TBRG1: variants seen among roughly 807,000 people sequenced by gnomAD.
The protein encoded by TBRG1 is transforming growth factor beta regulator 1, also known as nuclear interactor of ARF and MDM2.
A neutral mutation model predicts 44.0 loss-of-function variants in TBRG1; 31 were observed. That is an observed-to-expected ratio of 0.70 (90% CI 0.53 to 0.95). TBRG1 has a LOEUF of 0.95. TBRG1 is among the 40% of genes least tolerant of loss of function. The pLI, the probability that TBRG1 is intolerant of heterozygous loss-of-function variation, is 0.00. For synonymous variants in TBRG1, 171 were observed against 188.1 expected (o/e 0.91, Z 0.74); for missense variants, 487 against 496.1 (o/e 0.98, Z 0.18).
intron 5 of TBRG1, among the ~76,000 whole-genome samples, chr11:124,627,930 A>G (rs1049327641): frequency 6.6e-6 from 1 of 151,672 alleles, no homozygotes; most frequent in African/African-American, 2.4e-5. Context: ...ATGCTAGAAC[A>G]TTTTTGAAAA....
intron 2 of TBRG1, among the ~76,000 whole-genome samples, chr11:124,625,284 T>C (rs1482219267): frequency 6.6e-6 from 1 of 152,272 alleles, no homozygotes; most frequent in African/African-American, 2.4e-5. Flanking sequence ...GATTATTTAA[T>C]CTTATGGCCC....
Position 124,622,930 on chromosome 11 carries a change from C to T in TBRG1, c.-154C>T. The T allele has an allele frequency of 2.5e-6, 2 of 807,854 alleles. No individual in the cohort carries two copies. The highest frequency in any genetic ancestry group is 3.7e-6 in the Non-Finnish European group (2 of 533,612). 50.0% of individuals were successfully genotyped at this position (807,854 alleles called of 1,614,324 possible). ...CCCGTTCGGTTGCGGGTGTCTCTGG[C>T]CCTGCGGTCAGCCCTGGGAACGTCC... On this transcript the variant is annotated 5_prime_UTR_variant, in exon 1 of 9. Coordinates refer to ENST00000441174, the MANE Select transcript of TBRG1 (RefSeq NM_032811.3).
intron 5 of TBRG1, 142 bp downstream of exon 5, chr11:124,627,192 C>T (rs1942494977): frequency 3.1e-6 from 2 of 639,042 alleles, no homozygotes; most frequent in South Asian, 3.8e-5. Context: ...GTGGCTGGCC[C>T]TAAGTCACAC....
chr11:124,623,120 G>A lies in TBRG1; in HGVS notation c.37G>A (p.Ala13Thr). The A allele has an allele frequency of 6.4e-7, 1 of 1,551,258 alleles. No homozygotes were observed. Among genetic ancestry groups the A allele is most frequent in the Non-Finnish European group, 8.7e-7 (1 of 1,146,972 alleles). ...GGACGGCCTCGCTTCCTCGCCGCGG[G>A]CTCCGCTGCAGTCCAGCAAGGCCAG... ...LLDGLASSPR[A>T]PLQSSKARMK... Residue 13 changes from alanine to threonine, a missense_variant, in exon 1 of 9, where the codon GCT becomes ACT. Physicochemically the swap from Ala to Thr is moderately conservative, Grantham distance 58. Transcript: ENST00000441174.
chr11:124,626,770 A>C, intron 4 of TBRG1, 134 bp from the exon 5 acceptor site: 1 of 1,467,402 alleles, frequency 6.8e-7, no homozygotes, highest in Non-Finnish European at 9.3e-7. Context: ...TGTCTGCTAC[A>C]CAGCCTACTC....
intron 8 of TBRG1, 188 bp downstream of exon 8, chr11:124,631,605 A>T: frequency 1.5e-6 from 1 of 650,428 alleles, no homozygotes; most frequent in South Asian, 1.8e-5. Context: ...TTACTCACAG[A>T]TGTCATGGGG....
intron 5 of TBRG1, among the ~76,000 whole-genome samples, chr11:124,628,094 TATATATATATATATATATATATACAC>T (rs1238353970): frequency 0.017 from 1,459 of 84,826 alleles, 22 homozygotes; most frequent in African/African-American, 0.05. Flanking sequence ...TATATATATA[TATATATATATATATATATATATACAC>T]ACACACACAC....
At position 124,632,149 on chromosome 11, in the gene TBRG1, A is replaced by C. The variant is rs374383481; in HGVS notation, c.1147A>C (p.Met383Leu). 6.2e-7 allele frequency: 1 copy of C among 1,613,648 alleles called. No individual in the cohort carries two copies. The highest frequency in any genetic ancestry group is 1.1e-5 in the South Asian group (1 of 91,068). The change falls in exon 9 of 9, where the codon ATG becomes CTG. Residue 383 changes from methionine (M) to leucine (L), a missense_variant. Coordinates refer to ENST00000441174, the MANE Select transcript of TBRG1 (RefSeq NM_032811.3). ...AGCCTTTGTGTCTTCTTACCAGCCC[A>C]TGTACCTGACACATGAACCCTTGGT... ...PAAFVSSYQPMYLTHEPLVDT... is the reference protein window; with the variant it reads ...PAAFVSSYQPLYLTHEPLVDT...
intron 8 of TBRG1, 41 bp from the exon 9 acceptor site, chr11:124,632,052 C>G: frequency 6.2e-7 from 1 of 1,603,728 alleles, no homozygotes; most frequent in Non-Finnish European, 8.5e-7. Flanking sequence ...TCTGCCCAGA[C>G]TCCCGAGCAG....
chr11:124,627,105 A>G lies in TBRG1; in HGVS notation c.738+55A>G, dbSNP rs980587491. ...TCTTTAGAACCTTCTCTGTGCTAGG[A>G]TATGTATTACCTGTTCTGATACCTT... On this transcript the variant is annotated intron_variant, in intron 5 of 8. Transcript: ENST00000441174. The G allele has an allele frequency of 6.5e-5, 77 of 1,186,064 alleles. No homozygotes were observed. The Middle Eastern group carries it at 7.5e-4, about 12-fold the overall frequency. 73.5% of individuals were successfully genotyped at this position (1,186,064 alleles called of 1,614,324 possible).
chr11:124,623,299 T>A, intron 1 of TBRG1, 66 bp downstream of exon 1: 1 of 1,517,844 alleles, frequency 6.6e-7, no homozygotes. Context: ...TTCCCCAAGC[T>A]GTTCCCCCTT....
rs527764626 is a variant in TBRG1, at chr11:124,625,844, T to C, written c.395T>C (p.Phe132Ser). 54 of 1,580,226 alleles carry C rather than the reference T, an allele frequency of 3.4e-5. No individual in the cohort carries two copies. The highest frequency in any genetic ancestry group is 3.3e-4 in the Middle Eastern group (2 of 5,990). The change falls in exon 3 of 9, where the codon TTT (phenylalanine) becomes TCT (serine). Residue 132 changes from phenylalanine (F) to serine (S), a missense_variant. Phe to Ser is a radical substitution (Grantham distance 155). Coordinates refer to ENST00000441174, the MANE Select transcript of TBRG1 (RefSeq NM_032811.3). Reference sequence around the variant, plus strand: ...CCCAGCACTGGGGCTGAGGAACCATTTGGGAAGAAAACTAAGAAGGAGAAA... The same window carrying C: ...CCCAGCACTGGGGCTGAGGAACCATCTGGGAAGAAAACTAAGAAGGAGAAA... ...SGPSTGAEEP[F>S]GKKTKKEKKE...
rs748940227 is a variant in TBRG1, at chr11:124,626,727, G to GT, written c.591+119dup. On this transcript the variant is annotated intron_variant, in intron 4 of 8. Transcript: ENST00000441174. ...CTTGCTGATCCATACCAACCCCAGC[G>GT]TATCTCCAGTCCCTGCAAAACCAGG... 3.1e-5 allele frequency: 44 copies of GT among 1,415,626 alleles called. No individual in the cohort carries two copies. In the East Asian group the frequency reaches 1.0e-3, roughly 34 times the overall value. The allele number at this position is 1,415,626 out of a possible 1,614,324, so 87.7% of individuals were successfully genotyped here.
At position 124,622,979 on chromosome 11, in the gene TBRG1, C is replaced by A; in HGVS notation, c.-105C>A. 7.8e-7 allele frequency: 1 copy of A among 1,274,310 alleles called. No homozygotes were observed. The highest frequency in any genetic ancestry group is 1.1e-6 in the Non-Finnish European group (1 of 950,210). 78.9% of individuals were successfully genotyped at this position (1,274,310 alleles called of 1,614,324 possible). On this transcript the variant is annotated 5_prime_UTR_variant, in exon 1 of 9. Transcript: ENST00000441174. Reference sequence around the variant, plus strand: ...CCCGGAGAGCTAGATTCCTAGAGGCCCGATTCCGCTAGCCCGGAACAGACA... The same window carrying A: ...CCCGGAGAGCTAGATTCCTAGAGGCACGATTCCGCTAGCCCGGAACAGACA...
chr11:124,631,463 G>A lies in TBRG1; in HGVS notation c.1090+46G>A, dbSNP rs372564940. 271 of 1,593,696 alleles carry A rather than the reference G, an allele frequency of 1.7e-4. 2 individuals are homozygous for A. Among genetic ancestry groups the A allele is most frequent in the South Asian group, 1.6e-3 (142 of 90,688 alleles). On this transcript the variant is annotated intron_variant, in intron 8 of 8. Transcript: ENST00000441174. ...CTGGTTTGAAAATTGACTGTGTTTAGGCTACCTTCCCATCTTCACACATAG... is the reference window on the plus strand; with the variant it reads ...CTGGTTTGAAAATTGACTGTGTTTAAGCTACCTTCCCATCTTCACACATAG...
chr11:124,626,661 G>T (rs564330977), intron 4 of TBRG1, 52 bp downstream of exon 4: 1 of 1,544,894 alleles, frequency 6.5e-7, no homozygotes, highest in East Asian at 2.4e-5. Context: ...ATACGGGAAT[G>T]GGGTTGAGCC....
rs1339883415 is a variant in TBRG1 at position 124,633,324 on chromosome 11, T to G, written c.*1086T>G. On this transcript the variant is annotated 3_prime_UTR_variant, in exon 9 of 9. Coordinates refer to ENST00000441174, the MANE Select transcript of TBRG1 (RefSeq NM_032811.3). ...GGATTTTTGGACCCTGTTAATAGCATTAAGGTAGAGGTTTACTCTATCACC... is the reference window on the plus strand; with the variant it reads ...GGATTTTTGGACCCTGTTAATAGCAGTAAGGTAGAGGTTTACTCTATCACC... 1 of 152,186 alleles carries G rather than the reference T, an allele frequency of 6.6e-6. No homozygotes were observed. Among genetic ancestry groups the G allele is most frequent in the African/African-American group, 2.4e-5 (1 of 41,430 alleles). 9.4% of individuals were successfully genotyped at this position (152,186 alleles called of 1,614,324 possible).
chr11:124,632,034 C>A, intron 8 of TBRG1, 59 bp from the exon 9 acceptor site: 4 of 1,546,816 alleles, frequency 2.6e-6, no homozygotes, highest in Non-Finnish European at 3.6e-6. Context: ...TATGTCTGAC[C>A]AAAACAGTCT....
rs928558001 is a variant in TBRG1, at chr11:124,632,349, G to A, written c.*111G>A. 15 of 892,752 alleles carry A rather than the reference G, an allele frequency of 1.7e-5. No individual in the cohort carries two copies. Among genetic ancestry groups the A allele is most frequent in the Middle Eastern group, 4.4e-4 (2 of 4,506 alleles). 55.3% of individuals were successfully genotyped at this position (892,752 alleles called of 1,614,324 possible). The stretch of plus-strand genomic sequence containing the variant: ...ATTCAGAAGTAAAGAAGATACTAAC[G>A]TATTTCATCATGGAAGGTCCTGTGG... On this transcript the variant is annotated 3_prime_UTR_variant, in exon 9 of 9. Coordinates refer to ENST00000441174, the MANE Select transcript of TBRG1 (RefSeq NM_032811.3).
Sources: allele counts gnomAD v4.1 joint callset (sites outside exome capture counted in the v4.1 genomes callset), GRCh38; gene constraint gnomAD v4.1.1; transcripts MANE v1.5; gene names NCBI Gene and HGNC (gene_info 2026-07-23, HGNC 2026-07-21).